The following SEC14L1 variants were observed in gnomAD, a reference collection of about 807,000 sequenced individuals.
SEC14L1 encodes SEC14 like lipid binding 1, also known as SEC14-like protein 1.
In SEC14L1, 48 loss-of-function variants were observed where a neutral mutation model predicts 85.3. The observed-to-expected ratio is 0.56, with a 90% CI of 0.45 to 0.72. The LOEUF (loss-of-function observed/expected upper bound fraction) is 0.72, where lower values mean the gene tolerates loss of function less well. SEC14L1 is among the 30% of genes least tolerant of loss of function. The pLI is 0.00. For missense variants in SEC14L1, 682 were observed against 921.4 expected (o/e 0.74, Z 3.36); for synonymous variants, 391 against 355.5 (o/e 1.10, Z -1.12).
At chr17:77,121,660 G>A (rs1972301605) in intron 3 of SEC14L1, among the ~76,000 whole-genome samples, 1 of 152,132 alleles carries the variant, frequency 6.6e-6, no homozygotes, top group South Asian at 2.1e-4. Context: ...CCCGGCCCAT[G>A]TGCACTATCT....
chr17:77,194,957 C>T lies in SEC14L1; in HGVS notation c.709+46C>T, dbSNP rs369782354. The T allele has an allele frequency of 7.9e-5, 112 of 1,424,594 alleles. No individual in the cohort carries two copies. The East Asian group carries it at 9.6e-4, about 12-fold the overall frequency. 88.2% of individuals were successfully genotyped at this position (1,424,594 alleles called of 1,614,324 possible). The stretch of plus-strand genomic sequence containing the variant: ...ATCCCGAGAGCAAGGCTAGGGAAGT[C>T]GGCGTTGCCGTTTTCTCTCTGTTTG... On this transcript the variant is annotated intron_variant, in intron 7 of 16. Coordinates refer to ENST00000436233, the MANE Select transcript of SEC14L1 (RefSeq NM_001143998.2).
chr17:77,213,673 G>A lies in SEC14L1; in HGVS notation c.2042+181G>A, dbSNP rs781043650. 3.4e-6 allele frequency: 3 copies of A among 869,922 alleles called. No homozygotes were observed. The South Asian group carries it at 4.3e-5, about 12-fold the overall frequency. The allele number at this position is 869,922 out of a possible 1,614,324, so 53.9% of individuals were successfully genotyped here. A position where few individuals can be genotyped will look rare whatever the true frequency, so the allele number is the denominator to read the frequency against. ...CGGTGACTCCCTGCCTGTCTGCAGAGGGAGAGTGTCGGAGACAGAGCCGAC... is the reference window on the plus strand; with the variant it reads ...CGGTGACTCCCTGCCTGTCTGCAGAAGGAGAGTGTCGGAGACAGAGCCGAC... On this transcript the variant is annotated intron_variant, in intron 16 of 16. Coordinates refer to ENST00000436233, the MANE Select transcript of SEC14L1 (RefSeq NM_001143998.2). The surrounding 1 kb of genome is among the most constrained non-coding windows in gnomAD (Gnocchi z 7.1).
chr17:77,195,041 C>T, intron 7 of SEC14L1, 130 bp downstream of exon 7: 1 of 663,100 alleles, frequency 1.5e-6, no homozygotes, highest in Non-Finnish European at 2.6e-6. Flanking sequence ...AGACCCGTCT[C>T]TCGTTTCTGG....
At chr17:77,099,722 T>C (rs1971723583) in intron 3 of SEC14L1, among the ~76,000 whole-genome samples, 1 of 152,080 alleles carries the variant, frequency 6.6e-6, no homozygotes, top group Non-Finnish European at 1.5e-5. Flanking sequence ...CCCCACTGCA[T>C]TCCAGCCTGG....
chr17:77,191,310 A>G lies in SEC14L1; in HGVS notation c.343A>G (p.Thr115Ala), dbSNP rs1419939404. ...CATCATTAATGAGCATTGCTGCTAC[A>G]CCGTGAGTAATCTGTCACTCGGCGG... is the stretch of plus-strand genomic sequence containing the variant. ...RVIINEHCCY[T>A]VHPENEDWTC... Residue 115 changes from threonine to alanine, a missense_variant and splice_region_variant, in exon 5 of 17, where the codon ACC becomes GCC. Thr to Ala is a moderately conservative substitution (Grantham distance 58, BLOSUM62 0). This residue lies in a region of SEC14L1 where 139 missense variants were observed against 201.3 expected (regional missense o/e 0.69). Coordinates refer to ENST00000436233, the MANE Select transcript of SEC14L1 (RefSeq NM_001143998.2). 4.3e-6 allele frequency: 7 copies of G among 1,613,656 alleles called. No homozygotes were observed. The highest frequency in any genetic ancestry group is 5.9e-6 in the Non-Finnish European group (7 of 1,179,906).
chr17:77,200,995 G>C (rs1215355109), intron 9 of SEC14L1, among the ~76,000 whole-genome samples: 1 of 152,226 alleles, frequency 6.6e-6, no homozygotes, highest in Non-Finnish European at 1.5e-5. Context: ...AGTGCCTCTG[G>C]CAGAGTATTT....
chr17:77,200,388 T>G, intron 8 of SEC14L1, 96 bp from the exon 9 acceptor site: 1 of 942,146 alleles, frequency 1.1e-6, no homozygotes, highest in Non-Finnish European at 1.6e-6. Context: ...AGGCTGGTCT[T>G]GAACTCCTGA....
chr17:77,172,122 AG>A (rs1428419832), intron 3 of SEC14L1, among the ~76,000 whole-genome samples: 6 of 152,024 alleles, frequency 3.9e-5, no homozygotes, highest in Admixed American at 3.9e-4. Context: ...CCTGTGAACA[AG>A]TTACACCAGG....
At position 77,162,674 on chromosome 17, in the gene SEC14L1, A is replaced by G. The variant is rs1042212822; in HGVS notation, c.63+19015A>G. Among the ~76,000 whole-genome samples the G allele has an allele frequency of 2.6e-5, 4 of 152,070 alleles. No individual in the cohort carries two copies. The East Asian group carries it at 7.7e-4, about 29-fold the overall frequency. On this transcript the variant is annotated intron_variant, in intron 3 of 16. Coordinates refer to ENST00000436233, the MANE Select transcript of SEC14L1 (RefSeq NM_001143998.2). The stretch of plus-strand genomic sequence containing the variant: ...ATGGAGAAACCCGTCTCTACTAAAA[A>G]TACAAAATGAACTGGCGTGGTGGTA...
intron 3 of SEC14L1, among the ~76,000 whole-genome samples, chr17:77,126,967 C>G (rs1350775874): frequency 7.4e-6 from 1 of 134,914 alleles, no homozygotes; most frequent in East Asian, 2.0e-4. Flanking sequence ...TTTTTTTTCT[C>G]TCTCTCTTTT....
chr17:77,089,588 A>G, intron 2 of SEC14L1: 1 of 461,482 alleles, frequency 2.2e-6, no homozygotes, highest in Admixed American at 2.6e-5. Context: ...TTCATTCAAT[A>G]AACATTTGTT....
chr17:77,145,870 G>A (rs984957056), intron 3 of SEC14L1, among the ~76,000 whole-genome samples: 1 of 152,086 alleles, frequency 6.6e-6, no homozygotes, highest in Admixed American at 6.5e-5. Context: ...CTTCTACCCC[G>A]CCACCAGCTG....
Position 77,213,758 on chromosome 17 carries a change from C to G in SEC14L1, c.2043-160C>G, listed in dbSNP as rs147873073. On this transcript the variant is annotated intron_variant, in intron 16 of 16. Coordinates refer to ENST00000436233, the MANE Select transcript of SEC14L1 (RefSeq NM_001143998.2). The surrounding 1 kb of genome is among the most constrained non-coding windows in gnomAD (Gnocchi z 7.1). Reference sequence around the variant, plus strand: ...CGTGCAGGCTGTGGGAAGCCGGTCCCCCTGGTGGGTTACTCATGTCCATCC... The same window carrying G: ...CGTGCAGGCTGTGGGAAGCCGGTCCGCCTGGTGGGTTACTCATGTCCATCC... The G allele has an allele frequency of 1.0e-6, 1 of 991,738 alleles. No homozygotes were observed. Among genetic ancestry groups the G allele is most frequent in the African/African-American group, 1.6e-5 (1 of 62,716 alleles). The allele number at this position is 991,738 out of a possible 1,614,324, so 61.4% of individuals were successfully genotyped here.
chr17:77,152,984 C>T (rs886203171), intron 3 of SEC14L1, among the ~76,000 whole-genome samples: 15 of 152,248 alleles, frequency 9.9e-5, no homozygotes, highest in Non-Finnish European at 1.9e-4. Flanking sequence ...TTTAATTGTT[C>T]CTTACAGCAA....
rs1555628453 is a variant in SEC14L1, at chr17:77,204,522, C to CCT, written c.1099-754_1099-753insCT. On this transcript the variant is annotated intron_variant, in intron 10 of 16. Coordinates refer to ENST00000436233, the MANE Select transcript of SEC14L1 (RefSeq NM_001143998.2). ...GGCTTGAGCCACCCTGCCCAGCCAG[C>CCT]TTTTTTTTTTTTTTTTTTTTTTTTT... 6.2e-3 allele frequency among the ~76,000 whole-genome samples: 523 copies of CCT among 84,746 alleles called. 39 individuals carry two copies. The highest frequency in any genetic ancestry group is 0.01 in the Middle Eastern group (1 of 100). The allele number at this position is 84,746 out of a possible 152,430, so 55.6% of individuals were successfully genotyped here. A position where few individuals can be genotyped will look rare whatever the true frequency, so the allele number is the denominator to read the frequency against.
intron 3 of SEC14L1, among the ~76,000 whole-genome samples, chr17:77,183,138 C>G (rs1397364089): frequency 6.6e-6 from 1 of 152,262 alleles, no homozygotes; most frequent in African/African-American, 2.4e-5. Context: ...TTGTACCAAT[C>G]TGTGTAGCCT....
chr17:77,147,799 T>C (rs1973379685), intron 3 of SEC14L1, among the ~76,000 whole-genome samples: 1 of 152,186 alleles, frequency 6.6e-6, no homozygotes, highest in Non-Finnish European at 1.5e-5. Flanking sequence ...TCCTGTGTTT[T>C]GACAAAGGTG....
At chr17:77,134,593 G>A (rs1207900675) in intron 3 of SEC14L1, among the ~76,000 whole-genome samples, 2 of 152,128 alleles carry the variant, frequency 1.3e-5, no homozygotes, top group African/African-American at 2.4e-5. Context: ...TTAGGCAGGT[G>A]TGGTGGCGCA....
At chr17:77,173,836 A>G (rs1974630414) in intron 3 of SEC14L1, among the ~76,000 whole-genome samples, 2 of 151,692 alleles carry the variant, frequency 1.3e-5, no homozygotes, top group Admixed American at 1.3e-4. Context: ...CATCCTGGAG[A>G]AGGTGTTTTT....
Sources: gnomAD v4.1 joint callset for allele counts (sites outside exome capture counted in the v4.1 genomes callset) on GRCh38, gnomAD v4.1.1 for gene constraint, gnomAD v4.1.1 regional missense constraint, Gnocchi (gnomAD v3.1) non-coding constraint, MANE v1.5 for transcripts, NCBI Gene and HGNC (gene_info 2026-07-23, HGNC 2026-07-21) for gene names.